The following PDE3B variants were observed in gnomAD, a reference collection of about 807,000 sequenced individuals.
PDE3B encodes the protein phosphodiesterase 3B.
Under a neutral mutation model 116.8 loss-of-function variants are expected in PDE3B, and 66 were observed. The ratio of observed to expected loss-of-function variants is 0.56; its 90% confidence interval spans 0.46 to 0.69. The LOEUF (loss-of-function observed/expected upper bound fraction) is 0.69. Among genes scored for constraint, PDE3B ranks in the 30% least tolerant of loss-of-function variants. PDE3B has a pLI of 0.00. For missense variants in PDE3B, 1,384 were observed against 1,368.1 expected, an observed-to-expected ratio of 1.01 and a Z score of -0.18; for synonymous variants, 595 against 533.6, an observed-to-expected ratio of 1.12 and a Z score of -1.59.
At chr11:14,780,627 G>C (rs1337646509) in intron 2 of PDE3B, among the ~76,000 whole-genome samples, 1 of 152,032 alleles carries the variant, frequency 6.6e-6, no homozygotes, top group Admixed American at 6.5e-5. Context: ...CGAGAACAAA[G>C]ACACAACATA....
rs570854166 is a variant in PDE3B, at chr11:14,673,284, T to C, written c.978+28231T>C. On this transcript the variant is annotated intron_variant, in intron 1 of 15. Coordinates refer to ENST00000282096, the MANE Select transcript of PDE3B (RefSeq NM_000922.4). The stretch of plus-strand genomic sequence containing the variant: ...CATTAACATGTATTATAAAAGTGCG[T>C]AGTGTCAAAGGAATAGAACCACCAA... Among the ~76,000 whole-genome samples the C allele has an allele frequency of 2.6e-5, 4 of 152,064 alleles. No individual in the cohort carries two copies. In the South Asian group the frequency reaches 8.3e-4, roughly 32 times the overall value.
intron 1 of PDE3B, among the ~76,000 whole-genome samples, chr11:14,750,498 T>C (rs185711070): frequency 4.6e-5 from 7 of 152,188 alleles, no homozygotes; most frequent in Non-Finnish European, 8.8e-5. Context: ...TTTGGAAATA[T>C]TGACATTCAT....
rs1401968203 is a variant in PDE3B at position 14,672,028 on chromosome 11, AAT to A, written c.978+26991_978+26992del. Among the ~76,000 whole-genome samples the A allele has an allele frequency of 5.7e-3, 803 of 140,742 alleles. 11 individuals carry two copies. The highest frequency in any genetic ancestry group is 0.011 in the African/African-American group (419 of 37,790). The allele number at this position is 140,742 out of a possible 152,430, so 92.3% of individuals were successfully genotyped here. A position where few individuals can be genotyped will look rare whatever the true frequency, so the allele number is the denominator to read the frequency against. On this transcript the variant is annotated intron_variant, in intron 1 of 15. Transcript: ENST00000282096. ...TGAGACCTTGTCTTGAAAAAAAAAA[AAT>A]ATATATATATATATACATATATATA...
intron 12 of PDE3B, among the ~76,000 whole-genome samples, chr11:14,850,316 C>T (rs1167147773): frequency 6.6e-6 from 1 of 150,584 alleles, no homozygotes; most frequent in African/African-American, 2.4e-5. Context: ...GGAAGGGGAA[C>T]ATCACACTCT....
chr11:14,860,041 C>T (rs889575787), intron 13 of PDE3B, among the ~76,000 whole-genome samples: 2 of 152,222 alleles, frequency 1.3e-5, no homozygotes, highest in African/African-American at 4.8e-5. Flanking sequence ...CTAGATTAGA[C>T]CTGCTGGAAG....
intron 12 of PDE3B, among the ~76,000 whole-genome samples, chr11:14,849,111 A>T (rs1277406248): frequency 6.6e-6 from 1 of 152,122 alleles, no homozygotes; most frequent in East Asian, 1.9e-4. Context: ...ACTAACCAAA[A>T]CAGCATGGTA....
intron 2 of PDE3B, among the ~76,000 whole-genome samples, chr11:14,779,794 A>G (rs1014896987): frequency 6.6e-6 from 1 of 152,230 alleles, no homozygotes; most frequent in African/African-American, 2.4e-5. Flanking sequence ...CATCATAATG[A>G]CAGGATCAAA....
At chr11:14,718,440 C>T (rs899980312) in intron 1 of PDE3B, among the ~76,000 whole-genome samples, 1 of 147,328 alleles carries the variant, frequency 6.8e-6, no homozygotes, top group Non-Finnish European at 1.5e-5. Flanking sequence ...ATCTACAGAA[C>T]TCTCCACCCC....
At chr11:14,777,976 G>A (rs559344061) in intron 2 of PDE3B, among the ~76,000 whole-genome samples, 55 of 152,266 alleles carry the variant, frequency 3.6e-4, no homozygotes, top group Middle Eastern at 3.4e-3. Context: ...CTAATACTGC[G>A]CTTTTCCAAC....
At chr11:14,664,464 CAATG>C (rs1854055997) in intron 1 of PDE3B, among the ~76,000 whole-genome samples, 1 of 152,122 alleles carries the variant, frequency 6.6e-6, no homozygotes, top group African/African-American at 2.4e-5. Flanking sequence ...TTCAAAAAAT[CAATG>C]AATCCAGGAG....
At chr11:14,665,780 A>G (rs1334374974) in intron 1 of PDE3B, among the ~76,000 whole-genome samples, 1 of 152,220 alleles carries the variant, frequency 6.6e-6, no homozygotes, top group Non-Finnish European at 1.5e-5. Flanking sequence ...ATGAAATAAA[A>G]GAGGATACAA....
chr11:14,663,929 A>C (rs949612932), intron 1 of PDE3B, among the ~76,000 whole-genome samples: 41 of 152,202 alleles, frequency 2.7e-4, no homozygotes, highest in African/African-American at 2.4e-5. Context: ...ATAGACATCT[A>C]CAGAACTCTC....
chr11:14,730,136 A>G (rs995927022), intron 1 of PDE3B, among the ~76,000 whole-genome samples: 13 of 152,192 alleles, frequency 8.5e-5, no homozygotes, highest in African/African-American at 1.9e-4. Flanking sequence ...TTCCACTGCT[A>G]TCTAAGAACC....
intron 1 of PDE3B, among the ~76,000 whole-genome samples, chr11:14,740,811 C>T (rs1856746206): frequency 6.6e-6 from 1 of 152,152 alleles, no homozygotes; most frequent in African/African-American, 2.4e-5. Context: ...TCTTTGTTCT[C>T]ATTGGTTTCA....
intron 12 of PDE3B, among the ~76,000 whole-genome samples, chr11:14,844,655 G>C (rs1355562703): frequency 1.3e-5 from 2 of 152,188 alleles, no homozygotes; most frequent in African/African-American, 4.8e-5. Context: ...TTTCCGACGG[G>C]CTTAAAAAAC....
At chr11:14,656,243 A>G (rs936640396) in intron 1 of PDE3B, among the ~76,000 whole-genome samples, 34 of 152,176 alleles carry the variant, frequency 2.2e-4, no homozygotes, top group African/African-American at 8.0e-4. Context: ...GAGCTTGACT[A>G]TTGATTAATG....
At chr11:14,701,965 CTTTTTAATT>C (rs1056367027) in intron 1 of PDE3B, among the ~76,000 whole-genome samples, 6 of 150,562 alleles carry the variant, frequency 4.0e-5, no homozygotes, top group Non-Finnish European at 5.9e-5. Flanking sequence ...GGTCTTTTTA[CTTTTTAATT>C]TTTGGGGAAA....
intron 7 of PDE3B, among the ~76,000 whole-genome samples, chr11:14,830,420 T>C (rs375669984): frequency 6.6e-6 from 1 of 152,086 alleles, no homozygotes; most frequent in Non-Finnish European, 1.5e-5. Flanking sequence ...TGATAGGAAC[T>C]TTTTCTTTTT....
intron 1 of PDE3B, among the ~76,000 whole-genome samples, chr11:14,746,959 G>A (rs575682551): frequency 6.6e-6 from 1 of 152,116 alleles, no homozygotes; most frequent in Non-Finnish European, 1.5e-5. Context: ...GGTTTAGTTG[G>A]CTCATAGTTC....
Sources: gnomAD v4.1 joint callset for allele counts (sites outside exome capture counted in the v4.1 genomes callset) on GRCh38, gnomAD v4.1.1 for gene constraint, MANE v1.5 for transcripts, NCBI Gene and HGNC (gene_info 2026-07-23, HGNC 2026-07-21) for gene names.